SH3BP1: variants seen among roughly 807,000 people sequenced by gnomAD.
SH3BP1 encodes SH3 domain binding protein 1.
In SH3BP1, 46 loss-of-function variants were observed where a neutral mutation model predicts 69.8. That is an observed-to-expected ratio of 0.66 (90% CI 0.52 to 0.84). The LOEUF (loss-of-function observed/expected upper bound fraction) is 0.84, where lower values mean the gene tolerates loss of function less well. SH3BP1 is among the 40% of genes least tolerant of loss of function. SH3BP1 has a pLI of 0.00. For missense variants in SH3BP1, 868 were observed against 930.9 expected, an observed-to-expected ratio of 0.93 and a Z score of 0.88; for synonymous variants, 403 against 378.0, an observed-to-expected ratio of 1.07 and a Z score of -0.77.
chr22:37,642,944 C>T lies in SH3BP1; in HGVS notation c.334C>T (p.Leu112=). ...CAIQNQLARI[L]AEFEMTLERD... ...CATCCAGAATCAGCTGGCCCGCATCCTGGCCGAGTTTGAGATGACCCTGGA... is the reference window on the plus strand; with the variant it reads ...CATCCAGAATCAGCTGGCCCGCATCTTGGCCGAGTTTGAGATGACCCTGGA... Residue 112 remains leucine, a synonymous_variant, in exon 5 of 18, where the codon CTG becomes TTG. Transcript: ENST00000649765. 6.2e-7 allele frequency: 1 copy of T among 1,612,908 alleles called. No homozygotes were observed. The highest frequency in any genetic ancestry group is 8.5e-7 in the Non-Finnish European group (1 of 1,179,998).
rs755081221 is a variant in SH3BP1, at chr22:37,650,105, T to C, written c.1317-47T>C. 1.0e-5 allele frequency: 16 copies of C among 1,600,854 alleles called. No homozygotes were observed. The East Asian group carries it at 1.8e-4, about 18-fold the overall frequency. On this transcript the variant is annotated intron_variant, in intron 14 of 17. Coordinates refer to ENST00000649765, the MANE Select transcript of SH3BP1 (RefSeq NM_018957.6). ...GCCCAGCACAGAGCCAGCCAGAGAG[T>C]TGGGGTCACAAACCCTTTGCTGAGC...
chr22:37,644,628 G>T lies in SH3BP1; in HGVS notation c.619-9G>T. ...ACCCAACGTAAGCTCTCCCCTCTCT[G>T]TCCCCAAGGACGAGTACTTGGCTGA... On this transcript the variant is annotated splice_polypyrimidine_tract_variant and intron_variant, in intron 7 of 17. Coordinates refer to ENST00000649765, the MANE Select transcript of SH3BP1 (RefSeq NM_018957.6). 1 of 1,614,070 alleles carries T rather than the reference G, an allele frequency of 6.2e-7. No homozygotes were observed. The highest frequency in any genetic ancestry group is 1.1e-5 in the South Asian group (1 of 91,084).
At chr22:37,648,255 G>A (rs1932817043) in intron 13 of SH3BP1, 64 bp from the exon 14 acceptor site, 3 of 1,144,986 alleles carry the variant, frequency 2.6e-6, no homozygotes, top group African/African-American at 1.5e-5. Context: ...TGGAAACCCT[G>A]GGCTGGAGAA....
At chr22:37,645,145 T>TAG (rs1157996274) in intron 9 of SH3BP1, 185 bp downstream of exon 9, 31 of 824,852 alleles carry the variant, frequency 3.8e-5, no homozygotes, top group African/African-American at 3.8e-4. Flanking sequence ...CGGGCAGGAC[T>TAG]AGAGCCAGGC....
At chr22:37,644,812 C>G in intron 8 of SH3BP1, 58 bp from the exon 9 acceptor site, 1 of 1,604,638 alleles carries the variant, frequency 6.2e-7, no homozygotes, top group Non-Finnish European at 8.5e-7. Flanking sequence ...CTCTCAAGGA[C>G]CCTATAGAAG....
chr22:37,642,762 G>A (rs747598114), intron 4 of SH3BP1, 133 bp from the exon 5 acceptor site: 2 of 1,599,460 alleles, frequency 1.3e-6, no homozygotes, highest in Non-Finnish European at 1.7e-6. Flanking sequence ...CCAGGCCTGG[G>A]AGGGTGTTCA....
chr22:37,645,272 TG>T, intron 9 of SH3BP1, 92 bp from the exon 10 acceptor site: 1 of 1,441,408 alleles, frequency 6.9e-7, no homozygotes, highest in South Asian at 1.3e-5. Context: ...CAGTGGCAGG[TG>T]GTACCACCTT....
Position 37,646,843 on chromosome 22 carries a change from C to A in SH3BP1, c.950C>A (p.Ala317Asp). ...GGTCTCTTCCGTCTGGCTGCTGGGG[C>A]CTCGGTGCTGAAGCGTCTCAAGCAG... Reference protein sequence around the residue: ...EEGLFRLAAGASVLKRLKQTM... With the variant: ...EEGLFRLAAGDSVLKRLKQTM... The change falls in exon 11 of 18, where the codon GCC (alanine) becomes GAC (aspartate). Residue 317 changes from alanine to aspartate, a missense_variant. Physicochemically the swap from Ala to Asp is moderately radical, Grantham distance 126. Coordinates refer to ENST00000649765, the MANE Select transcript of SH3BP1 (RefSeq NM_018957.6). 6.5e-7 allele frequency: 1 copy of A among 1,550,084 alleles called. No individual in the cohort carries two copies. The highest frequency in any genetic ancestry group is 1.2e-5 in the South Asian group (1 of 84,206).
intron 11 of SH3BP1, 22 bp downstream of exon 11, chr22:37,646,951 G>A: frequency 6.8e-7 from 1 of 1,475,986 alleles, no homozygotes; most frequent in Non-Finnish European, 9.0e-7. Flanking sequence ...GGGGAGCCCT[G>A]GGCAGGAGGT....
rs1457954560 is a variant in SH3BP1, at chr22:37,644,627, T to C, written c.619-10T>C. The C allele has an allele frequency of 2.5e-6, 4 of 1,614,110 alleles. No individual in the cohort carries two copies. The East Asian group carries it at 6.7e-5, about 27-fold the overall frequency. The stretch of plus-strand genomic sequence containing the variant: ...CACCCAACGTAAGCTCTCCCCTCTC[T>C]GTCCCCAAGGACGAGTACTTGGCTG... On this transcript the variant is annotated splice_polypyrimidine_tract_variant and intron_variant, in intron 7 of 17. Coordinates refer to ENST00000649765, the MANE Select transcript of SH3BP1 (RefSeq NM_018957.6).
intron 3 of SH3BP1, 61 bp downstream of exon 3, chr22:37,641,539 C>G: frequency 7.2e-7 from 1 of 1,385,888 alleles, no homozygotes; most frequent in African/African-American, 1.4e-5. Context: ...AATGGGGAAG[C>G]AAGGTCGGGG....
intron 9 of SH3BP1, 91 bp from the exon 10 acceptor site, chr22:37,645,274 G>A: frequency 6.8e-7 from 1 of 1,466,912 alleles, no homozygotes; most frequent in Non-Finnish European, 9.3e-7. Context: ...GTGGCAGGTG[G>A]TACCACCTTG....
chr22:37,639,849 G>A lies in SH3BP1; in HGVS notation c.59+3G>A. The A allele has an allele frequency of 1.9e-6, 3 of 1,567,276 alleles. No individual in the cohort carries two copies. The highest frequency in any genetic ancestry group is 2.5e-5 in the East Asian group (1 of 39,738). ...GCCCAGACGGGCAGCTTGGGACGGT[G>A]AGTGTCACCCGCTTCCAGCCCCACT... On this transcript the variant is annotated splice_donor_region_variant and intron_variant, in intron 1 of 17. Coordinates refer to ENST00000649765, the MANE Select transcript of SH3BP1 (RefSeq NM_018957.6).
chr22:37,645,614 A>G, intron 10 of SH3BP1, 104 bp downstream of exon 10: 1 of 1,331,790 alleles, frequency 7.5e-7, no homozygotes, highest in Non-Finnish European at 1.0e-6. Context: ...CCCTCATTCG[A>G]GCCCAGCTCC....
Position 37,655,286 on chromosome 22 carries a change from C to G in SH3BP1, c.1708C>G (p.Pro570Ala), listed in dbSNP as rs1932989351. 1 of 1,578,320 alleles carries G rather than the reference C, an allele frequency of 6.3e-7. No homozygotes were observed. Among genetic ancestry groups the G allele is most frequent in the African/African-American group, 1.4e-5 (1 of 73,358 alleles). ...TTCCTCAACAGCCAAGCGCCCGGCG[C>G]CAGCCCGGCCCACCATGCCGCCCCC... ...DMARRTKRPA[P>A]ARPTMPPPQV... Residue 570 changes from proline to alanine, a missense_variant, in exon 18 of 18, where the codon CCA becomes GCA. Pro to Ala is a conservative substitution (Grantham distance 27). Coordinates refer to ENST00000649765, the MANE Select transcript of SH3BP1 (RefSeq NM_018957.6).
At chr22:37,644,992 C>G (rs1342793596) in intron 9 of SH3BP1, 32 bp downstream of exon 9, 2 of 1,586,970 alleles carry the variant, frequency 1.3e-6, no homozygotes, top group Non-Finnish European at 1.7e-6. Flanking sequence ...TACCACACCC[C>G]TGACCCTGCC....
intron 7 of SH3BP1, 102 bp downstream of exon 7, chr22:37,643,890 T>C: frequency 7.0e-7 from 1 of 1,425,704 alleles, no homozygotes; most frequent in Non-Finnish European, 9.6e-7. Context: ...TGACATGACT[T>C]GCCTAAGGCC....
At chr22:37,645,185 TGG>T in intron 9 of SH3BP1, 178 bp from the exon 10 acceptor site, 1 of 889,062 alleles carries the variant, frequency 1.1e-6, no homozygotes. Context: ...AACGGTGGCC[TGG>T]ACTAGGACAG....
At chr22:37,651,880 G>T (rs60097687) in intron 16 of SH3BP1, among the ~76,000 whole-genome samples, 3,056 of 151,926 alleles carry the variant, frequency 0.02, 102 homozygotes, top group African/African-American at 0.068. Context: ...GCAGGTTAAG[G>T]GGGAGCGTGG....
Sources: allele counts gnomAD v4.1 joint callset (sites outside exome capture counted in the v4.1 genomes callset), GRCh38; gene constraint gnomAD v4.1.1; transcripts MANE v1.5; gene names NCBI Gene and HGNC (gene_info 2026-07-23, HGNC 2026-07-21).